Variants in CD53 observed in about 807,000 individuals in gnomAD.
CD53 encodes CD53 molecule.
Under a neutral mutation model 27.3 loss-of-function variants are expected in CD53, and 20 were observed. That is an observed-to-expected ratio of 0.73 (90% confidence interval 0.52 to 1.07). The LOEUF is 1.07. Ranked by LOEUF, CD53 falls within the 50% of genes least tolerant of loss-of-function variation. The probability of loss-of-function intolerance (pLI) is 0.00; values close to 1 mark genes in which losing one functional copy is unlikely to be tolerated. For synonymous variants in CD53, 106 were observed against 105.3 expected (o/e 1.01, Z -0.04); for missense variants, 216 against 264.0 (o/e 0.82, Z 1.26).
intron 7 of CD53, among the ~76,000 whole-genome samples, chr1:110,898,793 G>T (rs1657178572): frequency 6.6e-6 from 1 of 152,148 alleles, no homozygotes; most frequent in African/African-American, 2.4e-5. Context: ...AACAAAGGAG[G>T]CACAGAGCAT....
rs141584810 is a variant in CD53 at position 110,874,734 on chromosome 1, A to C, written c.-18+1486A>C. Among the ~76,000 whole-genome samples the C allele has an allele frequency of 3.7e-4, 56 of 152,332 alleles. 1 individual carries two copies. Among genetic ancestry groups the C allele is most frequent in the Middle Eastern group, 3.4e-3 (1 of 294 alleles). ...GGAATGATTCCAAGTTCATGCCTTC[A>C]CAGCTATGGTTACCACCACCTAAGT... On this transcript the variant is annotated intron_variant, in intron 1 of 7. Coordinates refer to ENST00000271324, the MANE Select transcript of CD53 (RefSeq NM_000560.4).
intron 1 of CD53, 78 bp from the exon 2 acceptor site, chr1:110,891,314 C>G: frequency 1.0e-6 from 1 of 989,568 alleles, no homozygotes. Context: ...TGCTAGAGAT[C>G]CCTGAACATT....
chr1:110,872,538 A>G (rs1655995345), upstream of CD53, among the ~76,000 whole-genome samples: 1 of 152,214 alleles, frequency 6.6e-6, no homozygotes, highest in Non-Finnish European at 1.5e-5. Context: ...TGTTTCCTGT[A>G]CTAACCAAAT....
intron 1 of CD53, among the ~76,000 whole-genome samples, chr1:110,881,890 T>TA (rs2101044537): frequency 6.6e-6 from 1 of 152,328 alleles, no homozygotes; most frequent in East Asian, 1.9e-4. Flanking sequence ...TTCATGTCCT[T>TA]ATTTGCCATC....
chr1:110,895,033 C>A lies in CD53; in HGVS notation c.401C>A (p.Ala134Glu). The A allele has an allele frequency of 6.2e-7, 1 of 1,613,236 alleles. No individual in the cohort carries two copies. Among genetic ancestry groups the A allele is most frequent in the Non-Finnish European group, 8.5e-7 (1 of 1,179,252 alleles). The change falls in exon 5 of 8, where the codon GCG (alanine) becomes GAG (glutamate). Residue 134 changes from alanine to glutamate, a missense_variant. Ala to Glu is a moderately radical substitution (Grantham distance 107, BLOSUM62 -1). Coordinates refer to ENST00000271324, the MANE Select transcript of CD53 (RefSeq NM_000560.4). The part of the protein sequence containing the change: ...RYHSDNSTKA[A>E]WDSIQSFLQC... The stretch of plus-strand genomic sequence containing the variant: ...CACTCAGACAATAGCACCAAGGCAG[C>A]GTGGGACTCCATCCAGTCATTTGTG...
At chr1:110,898,877 T>G (rs1221473896) in intron 7 of CD53, among the ~76,000 whole-genome samples, 6 of 152,122 alleles carry the variant, frequency 3.9e-5, no homozygotes, top group Non-Finnish European at 8.8e-5. Flanking sequence ...TTCTGTGACT[T>G]CCTCAGAAGA....
At chr1:110,889,808 A>G (rs192097530) in intron 1 of CD53, among the ~76,000 whole-genome samples, 1 of 152,292 alleles carries the variant, frequency 6.6e-6, no homozygotes, top group African/African-American at 2.4e-5. Flanking sequence ...TTGACCCCAA[A>G]GCCTGGGTAG....
chr1:110,875,372 C>T (rs1045431582), intron 1 of CD53, among the ~76,000 whole-genome samples: 3 of 152,100 alleles, frequency 2.0e-5, no homozygotes, highest in Admixed American at 2.0e-4. Flanking sequence ...CATGTTCACA[C>T]GACAGAATTG....
chr1:110,886,059 AT>A (rs2101050441), intron 1 of CD53, among the ~76,000 whole-genome samples: 1 of 152,216 alleles, frequency 6.6e-6, no homozygotes, highest in East Asian at 1.9e-4. Context: ...CTGATGAGGA[AT>A]TCTTTCACCT....
chr1:110,871,397 G>A (rs930646634), upstream of CD53, among the ~76,000 whole-genome samples: 2 of 152,136 alleles, frequency 1.3e-5, no homozygotes, highest in Non-Finnish European at 2.9e-5. Flanking sequence ...AGTAGCTTAA[G>A]AGGACACCTG....
intron 1 of CD53, among the ~76,000 whole-genome samples, chr1:110,890,787 G>A (rs996419506): frequency 1.3e-5 from 2 of 152,154 alleles, no homozygotes; most frequent in African/African-American, 2.4e-5. Flanking sequence ...TTTGCTGTAA[G>A]ACTGTTGTCT....
chr1:110,884,689 A>AAT (rs1042396282), intron 1 of CD53, among the ~76,000 whole-genome samples: 3 of 151,924 alleles, frequency 2.0e-5, no homozygotes, highest in African/African-American at 7.2e-5. Flanking sequence ...GTCCCTTTAT[A>AAT]AAGTAATCTT....
In CD53 at chr1:110,894,419, C is replaced by T; in HGVS notation, c.327+18C>T. ...AACAGAAGGTAAGTTATAAAGACAA[C>T]AACTTATTGTCTTAATACTGAAAGT... On this transcript the variant is annotated intron_variant, in intron 4 of 7. Transcript: ENST00000271324. The T allele has an allele frequency of 3.8e-6, 6 of 1,578,684 alleles. No homozygotes were observed. Among genetic ancestry groups the T allele is most frequent in the Non-Finnish European group, 5.2e-6 (6 of 1,147,662 alleles).
At chr1:110,886,458 A>C (rs570637003) in intron 1 of CD53, among the ~76,000 whole-genome samples, 145 of 152,192 alleles carry the variant, frequency 9.5e-4, no homozygotes, top group Non-Finnish European at 1.6e-3. Flanking sequence ...TTATTTTTCT[A>C]TCTCTCTTCT....
At position 110,894,389 on chromosome 1, in the gene CD53, A is replaced by G. The variant is rs774522704; in HGVS notation, c.315A>G (p.Val105=). 5.8e-5 allele frequency: 93 copies of G among 1,613,116 alleles called. No individual in the cohort carries two copies. The highest frequency in any genetic ancestry group is 3.3e-4 in the Middle Eastern group (2 of 6,082). ...AEVTLAILLF[V]YEQKLNEYVA... ...TGACCTTGGCCATCCTGCTCTTTGT[A>G]TATGAACAGAAGGTAAGTTATAAAG... is the stretch of plus-strand genomic sequence containing the variant. The change falls in exon 4 of 8, where the codon GTA becomes GTG. Residue 105 remains valine (V), a synonymous_variant. Coordinates refer to ENST00000271324, the MANE Select transcript of CD53 (RefSeq NM_000560.4).
chr1:110,877,011 C>T (rs1426702628), intron 1 of CD53, among the ~76,000 whole-genome samples: 1 of 152,082 alleles, frequency 6.6e-6, no homozygotes, highest in Non-Finnish European at 1.5e-5. Context: ...TGATCAAAAC[C>T]AGGAAATTAA....
chr1:110,879,432 A>C (rs1318202692), intron 1 of CD53, among the ~76,000 whole-genome samples: 1 of 152,258 alleles, frequency 6.6e-6, no homozygotes, highest in Non-Finnish European at 1.5e-5. Context: ...TGTGTTCCAC[A>C]GAATACTATG....
intron 1 of CD53, among the ~76,000 whole-genome samples, chr1:110,886,400 A>G (rs758513780): frequency 1.1e-4 from 16 of 152,100 alleles, no homozygotes; most frequent in Admixed American, 2.6e-4. Flanking sequence ...CCATAGGGAT[A>G]TTATTTTCAT....
At chr1:110,875,556 G>T (rs542280456) in intron 1 of CD53, among the ~76,000 whole-genome samples, 1 of 152,288 alleles carries the variant, frequency 6.6e-6, no homozygotes, top group East Asian at 1.9e-4. Flanking sequence ...GGTTTGTTCT[G>T]CGTCCCTAGA....
Sources: gnomAD v4.1 joint callset for allele counts (sites outside exome capture counted in the v4.1 genomes callset) on GRCh38, gnomAD v4.1.1 for gene constraint, MANE v1.5 for transcripts, NCBI Gene and HGNC (gene_info 2026-07-23, HGNC 2026-07-21) for gene names.